The following DPP6 variants were observed in gnomAD, a reference collection of about 807,000 sequenced individuals.
The protein encoded by DPP6 is dipeptidyl peptidase like 6, also known as A-type potassium channel modulatory protein DPP6.
DPP6 carries 69 observed loss-of-function variants against 122.6 expected under a neutral mutation model. The ratio of observed to expected loss-of-function variants is 0.56; its 90% CI spans 0.46 to 0.69. The LOEUF is 0.69. Among genes scored for constraint, DPP6 ranks in the 30% least tolerant of loss-of-function variants. DPP6 has a pLI of 0.00. For synonymous variants in DPP6, 418 were observed against 433.1 expected (o/e 0.97, Z 0.43); for missense variants, 928 against 1,116.9 (o/e 0.83, Z 2.41).
chr7:153,751,922 G>C, the DPP6 span, among the ~76,000 whole-genome samples: 629 of 152,004 alleles, frequency 4.1e-3, 8 homozygotes, highest in African/African-American at 0.014. Flanking sequence ...TATTACGTTA[G>C]ACATCAAGAC....
At position 154,692,781 on chromosome 7, in the gene DPP6, C is replaced by CT. The variant is rs200799193; in HGVS notation, c.762+23358dup. On this transcript the variant is annotated intron_variant, in intron 7 of 25. Coordinates refer to ENST00000377770, the MANE Select transcript of DPP6 (RefSeq NM_130797.4). ...ATTTGAAAACTATTATTCTCTCTCT[C>CT]TTTTTTTTTTTTTTTTTTGAGACAG... is the stretch of plus-strand genomic sequence containing the variant. Among the ~76,000 whole-genome samples the CT allele has an allele frequency of 5.3e-3, 744 of 141,504 alleles. 4 individuals carry two copies. Among genetic ancestry groups the CT allele is most frequent in the East Asian group, 0.038 (185 of 4,866 alleles). 92.8% of individuals were successfully genotyped at this position (141,504 alleles called of 152,430 possible).
intron 1 of DPP6, among the ~76,000 whole-genome samples, chr7:153,975,039 A>G (rs1292578749): frequency 2.0e-5 from 3 of 152,158 alleles, no homozygotes; most frequent in Non-Finnish European, 2.9e-5. Context: ...AATTAATTCA[A>G]TGTTCCTCTT....
intron 1 of DPP6, among the ~76,000 whole-genome samples, chr7:154,407,659 C>T (rs1816232355): frequency 6.6e-6 from 1 of 152,140 alleles, no homozygotes; most frequent in Non-Finnish European, 1.5e-5. Context: ...AGAAATAAAA[C>T]TTATGGCTTT....
chr7:154,586,476 G>A (rs774810286), intron 5 of DPP6, among the ~76,000 whole-genome samples: 3 of 152,010 alleles, frequency 2.0e-5, no homozygotes, highest in Admixed American at 1.3e-4. Context: ...AGGGCCTGTG[G>A]GAGTCTTTGG....
At chr7:154,450,944 T>C (rs530530679) in intron 2 of DPP6, among the ~76,000 whole-genome samples, 1 of 152,238 alleles carries the variant, frequency 6.6e-6, no homozygotes, top group Admixed American at 6.5e-5. Flanking sequence ...GATCTTGTGG[T>C]TGTCTGGCAC....
chr7:154,256,404 C>A (rs80303276), intron 1 of DPP6, among the ~76,000 whole-genome samples: 7,459 of 152,250 alleles, frequency 0.049, 250 homozygotes, highest in East Asian at 0.13. Flanking sequence ...GCTGTGGAAC[C>A]AAATGGAAAC....
intron 1 of DPP6, among the ~76,000 whole-genome samples, chr7:154,239,400 C>G (rs10270071): frequency 2.0e-5 from 3 of 152,036 alleles, no homozygotes; most frequent in African/African-American, 7.3e-5. Context: ...CAAGACCAGC[C>G]CTTCCTCTTC....
At chr7:154,586,099 T>G (rs1586686046) in intron 5 of DPP6, among the ~76,000 whole-genome samples, 1 of 151,886 alleles carries the variant, frequency 6.6e-6, no homozygotes, top group Admixed American at 6.5e-5. Flanking sequence ...CAGGCCAAGG[T>G]GGGGCTGAGT....
At chr7:154,350,577 C>T (rs779694318) in intron 1 of DPP6, among the ~76,000 whole-genome samples, 8 of 152,102 alleles carry the variant, frequency 5.3e-5, no homozygotes, top group South Asian at 2.1e-4. Context: ...CATTTGAAGA[C>T]GGGCTGGGGG....
intron 1 of DPP6, among the ~76,000 whole-genome samples, chr7:153,984,091 CA>C: frequency 6.7e-6 from 1 of 149,674 alleles, no homozygotes; most frequent in African/African-American, 2.5e-5. Context: ...CACACACACA[CA>C]CACACACACA....
At chr7:154,531,155 C>T (rs1208051242) in intron 3 of DPP6, among the ~76,000 whole-genome samples, 2 of 152,122 alleles carry the variant, frequency 1.3e-5, no homozygotes, top group African/African-American at 4.8e-5. Flanking sequence ...AACAAACCTG[C>T]ACATCCTGCA....
intron 1 of DPP6, among the ~76,000 whole-genome samples, chr7:154,160,122 AAAAAT>A (rs972366109): frequency 6.6e-5 from 10 of 151,608 alleles, no homozygotes; most frequent in African/African-American, 2.2e-4. Flanking sequence ...AAATAAAAAT[AAAAAT>A]AAAATAAAAT....
chr7:154,387,666 C>T (rs1310539192), intron 1 of DPP6, among the ~76,000 whole-genome samples: 4 of 152,136 alleles, frequency 2.6e-5, no homozygotes, highest in Non-Finnish European at 5.9e-5. Context: ...GTACTGTTTT[C>T]ATCCAGTCCT....
chr7:153,877,176 T>C, the DPP6 span, among the ~76,000 whole-genome samples: 25 of 152,246 alleles, frequency 1.6e-4, no homozygotes, highest in East Asian at 4.8e-3. Flanking sequence ...GTTAGCCTAC[T>C]GTAACTTTTT....
intron 1 of DPP6, among the ~76,000 whole-genome samples, chr7:154,110,458 C>T (rs527499534): frequency 4.6e-5 from 7 of 152,162 alleles, no homozygotes; most frequent in African/African-American, 9.6e-5. Flanking sequence ...ACTTACCTCG[C>T]GGTGAATATA....
At chr7:154,666,674 G>C (rs1034792860) in intron 6 of DPP6, among the ~76,000 whole-genome samples, 1 of 152,022 alleles carries the variant, frequency 6.6e-6, no homozygotes, top group Non-Finnish European at 1.5e-5. Flanking sequence ...CCAGCCTCTG[G>C]TAACCACTAC....
At chr7:154,310,370 C>T (rs1408971984) in intron 1 of DPP6, among the ~76,000 whole-genome samples, 3 of 152,184 alleles carry the variant, frequency 2.0e-5, no homozygotes, top group Non-Finnish European at 4.4e-5. Flanking sequence ...TTTTGGGATC[C>T]GTGTCACCAA....
chr7:154,821,629 TATATATATATATATATACAC>T lies in DPP6; in HGVS notation c.1666+14533_1666+14552del, dbSNP rs1799768801. On this transcript the variant is annotated intron_variant, in intron 16 of 25. Transcript: ENST00000377770. This position sits in a 1 kb window ranked among gnomAD's most constrained non-coding sequence, Gnocchi z 4.2. ...TATATATATATATATTTTTTTTCTG[TATATATATATATATATACAC>T]ATATATATATATATACACATATATA... Among the ~76,000 whole-genome samples the T allele has an allele frequency of 1.6e-5, 1 of 64,470 alleles. No individual in the cohort carries two copies. Among genetic ancestry groups the T allele is most frequent in the Non-Finnish European group, 2.8e-5 (1 of 36,110 alleles). The allele number at this position is 64,470 out of a possible 152,430, so 42.3% of individuals were successfully genotyped here.
intron 23 of DPP6, among the ~76,000 whole-genome samples, chr7:154,888,833 C>G (rs1806373675): frequency 6.6e-6 from 1 of 152,164 alleles, no homozygotes; most frequent in Non-Finnish European, 1.5e-5. Flanking sequence ...GCTGGGGAAG[C>G]CTCACAATCA....
Sources: gnomAD v4.1 joint callset for allele counts (sites outside exome capture counted in the v4.1 genomes callset) on GRCh38, gnomAD v4.1.1 for gene constraint, Gnocchi (gnomAD v3.1) non-coding constraint, MANE v1.5 for transcripts, NCBI Gene and HGNC (gene_info 2026-07-23, HGNC 2026-07-21) for gene names.